SPACA6: variants seen among roughly 807,000 people sequenced by gnomAD.
SPACA6 encodes sperm acrosome associated 6.
For missense variants in SPACA6, 8 were observed against 2.8 expected (o/e 2.88, Z -1.34); for synonymous variants, 6 against 1.5 (o/e 4.05, Z -2.21).
chr19:51,702,037 C>A (rs964467005), intron 3 of SPACA6, among the ~76,000 whole-genome samples: 5 of 152,152 alleles, frequency 3.3e-5, no homozygotes, highest in African/African-American at 1.2e-4. Flanking sequence ...GCACTCCAGC[C>A]TGGGTGACAG....
At chr19:51,685,143 A>C (rs1240635136), upstream of SPACA6, among the ~76,000 whole-genome samples, 5 of 152,156 alleles carry the variant, frequency 3.3e-5, no homozygotes, top group African/African-American at 1.2e-4. Flanking sequence ...TGTTTCAGGA[A>C]CTTGGGATGA....
chr19:51,711,612 A>G (rs372374053), intron 2 of SPACA6, among the ~76,000 whole-genome samples: 93 of 152,374 alleles, frequency 6.1e-4, no homozygotes, highest in African/African-American at 2.1e-3. Context: ...AGCATCATTC[A>G]TACAGCCAAG....
At chr19:51,692,919 C>T, upstream of SPACA6, 1 of 525,252 alleles carries the variant, frequency 1.9e-6, no homozygotes, top group South Asian at 1.4e-5. The surrounding 1 kb of genome is among the most constrained non-coding windows in gnomAD (Gnocchi z 5.6). Context: ...ACTCAGGGAC[C>T]CTTAGCCCCA....
chr19:51,693,345 A>G lies in SPACA6; in HGVS notation c.-182A>G. The G allele has an allele frequency of 1.3e-6, 1 of 744,338 alleles. No homozygotes were observed. The highest frequency in any genetic ancestry group is 2.5e-6 in the Non-Finnish European group (1 of 395,894). The allele number at this position is 744,338 out of a possible 1,614,324, so 46.1% of individuals were successfully genotyped here. A position where few individuals can be genotyped will look rare whatever the true frequency, so the allele number is the denominator to read the frequency against. On this transcript the variant is annotated 5_prime_UTR_variant, in exon 1 of 9. Transcript: ENST00000637797. The stretch of plus-strand genomic sequence containing the variant: ...TGGGAGCCTGGCGTCTGGCCCAACC[A>G]CACACCTGGGGAATTGCTGGCCTGA...
At chr19:51,699,582 A>G (rs2083454071) in intron 2 of SPACA6, among the ~76,000 whole-genome samples, 1 of 152,154 alleles carries the variant, frequency 6.6e-6, no homozygotes, top group African/African-American at 2.4e-5. Context: ...TGGTGTCAGC[A>G]GGGTTAGTTT....
chr19:51,706,255 GTTCACACTGTT>G (rs1390768983), downstream of SPACA6, among the ~76,000 whole-genome samples: 1 of 151,976 alleles, frequency 6.6e-6, no homozygotes, highest in African/African-American at 2.4e-5. Context: ...TAGGGTCTTG[GTTCACACTGTT>G]TCCTGCCTAG....
chr19:51,689,874 C>T (rs2083354544), upstream of SPACA6, among the ~76,000 whole-genome samples: 1 of 151,874 alleles, frequency 6.6e-6, no homozygotes, highest in African/African-American at 2.4e-5. Context: ...GGGCGAGCTG[C>T]CCGAGCCCTC....
chr19:51,705,508 C>T (rs2083511492), downstream of SPACA6, among the ~76,000 whole-genome samples: 1 of 152,078 alleles, frequency 6.6e-6, no homozygotes, highest in South Asian at 2.1e-4. Flanking sequence ...TCTAACTTCT[C>T]CTCCACTTCC....
chr19:51,704,163 C>A lies in SPACA6; in HGVS notation c.707C>A (p.Ala236Asp), dbSNP rs1176372388. 5.0e-6 allele frequency: 2 copies of A among 401,080 alleles called. No individual in the cohort carries two copies. 24.8% of individuals were successfully genotyped at this position (401,080 alleles called of 1,614,324 possible). Residue 236 changes from alanine (A) to aspartate (D), a missense_variant, in exon 7 of 9, where the codon GCC (alanine) becomes GAC (aspartate). By Grantham distance (126) the Ala-to-Asp change is moderately radical (BLOSUM62 -2). Transcript: ENST00000637797. ...CVIKQDQRPL[A>D]RLYFFLNVTG... ...ATCAAGCAAGACCAGCGCCCCCTGG[C>A]CCGGCTCTACTTCTTTCTTAACGGT...
intron 2 of SPACA6, among the ~76,000 whole-genome samples, chr19:51,695,583 T>G (rs753747252): frequency 2.6e-5 from 4 of 152,266 alleles, no homozygotes; most frequent in South Asian, 4.1e-4. Context: ...GCTGTGGCTC[T>G]CCCCATCTCC....
At chr19:51,698,924 G>A (rs186347984) in intron 2 of SPACA6, among the ~76,000 whole-genome samples, 17 of 152,262 alleles carry the variant, frequency 1.1e-4, no homozygotes, top group African/African-American at 3.4e-4. Flanking sequence ...TCATGGTCCC[G>A]TGTGGCTGCT....
At chr19:51,693,210 T>C (rs372615282), upstream of SPACA6, 651 of 591,448 alleles carry the variant, frequency 1.1e-3, 9 homozygotes, top group Non-Finnish European at 1.8e-4. Flanking sequence ...TATCTCCATC[T>C]CTGACCCCCA....
At chr19:51,709,117 A>C (rs976226756), downstream of SPACA6, among the ~76,000 whole-genome samples, 2 of 151,916 alleles carry the variant, frequency 1.3e-5, no homozygotes, top group Admixed American at 6.6e-5. Flanking sequence ...TAATCCCAGC[A>C]CTTTGGGGGA....
upstream of SPACA6, among the ~76,000 whole-genome samples, chr19:51,692,399 T>C (rs750475879): frequency 1.6e-4 from 24 of 151,780 alleles, no homozygotes; most frequent in Non-Finnish European, 3.4e-4. The surrounding 1 kb of genome is among the most constrained non-coding windows in gnomAD (Gnocchi z 5.6). Flanking sequence ...AGGAAGGGGC[T>C]GAGTCCTTGG....
At chr19:51,700,352 G>A (rs988281408) in intron 2 of SPACA6, among the ~76,000 whole-genome samples, 32 of 152,112 alleles carry the variant, frequency 2.1e-4, no homozygotes, top group African/African-American at 6.8e-4. Context: ...AGAAGTGGCC[G>A]GTGTGTGCCC....
chr19:51,688,912 A>C (rs79925267), upstream of SPACA6, among the ~76,000 whole-genome samples: 5 of 120,604 alleles, frequency 4.1e-5, no homozygotes, highest in South Asian at 3.1e-4. Flanking sequence ...GGAGAGAGAG[A>C]GAGAGAGAAC....
chr19:51,708,819 A>G (rs1378515074), downstream of SPACA6, among the ~76,000 whole-genome samples: 2 of 151,544 alleles, frequency 1.3e-5, no homozygotes, highest in South Asian at 2.1e-4. Flanking sequence ...AGAGTGAGAC[A>G]ATGGCACTCC....
chr19:51,687,511 G>A (rs1327385644), upstream of SPACA6: 1 of 145,826 alleles, frequency 6.9e-6, no homozygotes, highest in Admixed American at 6.8e-5. Flanking sequence ...AAAAACCAAG[G>A]TGCAGAATAA....
At chr19:51,704,556 C>T in intron 8 of SPACA6, 76 bp downstream of exon 8, 1 of 400,554 alleles carries the variant, frequency 2.5e-6, no homozygotes, top group Non-Finnish European at 4.4e-6. Flanking sequence ...TCTGGGTTCC[C>T]AGCAACCTCC....
Sources: allele counts gnomAD v4.1 joint callset (sites outside exome capture counted in the v4.1 genomes callset), GRCh38; gene constraint gnomAD v4.1.1; non-coding constraint Gnocchi (gnomAD v3.1); transcripts MANE v1.5; gene names NCBI Gene and HGNC (gene_info 2026-07-23, HGNC 2026-07-21).